The following ZFAND4 variants were observed in gnomAD, a reference collection of about 807,000 sequenced individuals.
ZFAND4 encodes zinc finger AN1-type containing 4.
Under a neutral mutation model 64.4 loss-of-function variants are expected in ZFAND4, and 43 were observed. The ratio of observed to expected loss-of-function variants is 0.67; its 90% CI spans 0.52 to 0.86. The LOEUF (loss-of-function observed/expected upper bound fraction) is 0.86, where lower values mean the gene tolerates loss of function less well. Ranked by LOEUF, ZFAND4 falls within the 40% of genes least tolerant of loss-of-function variation. The pLI, the probability that ZFAND4 is intolerant of heterozygous loss-of-function variation, is 0.00. For synonymous variants in ZFAND4, 296 were observed against 305.7 expected, an observed-to-expected ratio of 0.97 and a Z score of 0.33; for missense variants, 929 against 859.8, an observed-to-expected ratio of 1.08 and a Z score of -1.01.
chr10:45,648,326 A>G lies in ZFAND4; in HGVS notation c.537T>C (p.His179=), dbSNP rs923490131. 2 of 1,613,396 alleles carry G rather than the reference A, an allele frequency of 1.2e-6. No homozygotes were observed. Among genetic ancestry groups the G allele is most frequent in the South Asian group, 1.1e-5 (1 of 90,982 alleles). ...GATGTTCTCCTTTTCTCCGTAGGAC[A>G]TGCAAATGAAAATCTATTTTCTTTG... ...DSSKKIDFHL[H]VLRRKGEHRM... Residue 179 remains histidine, a synonymous_variant, in exon 5 of 10, where the codon CAT becomes CAC. Coordinates refer to ENST00000344646, the MANE Select transcript of ZFAND4 (RefSeq NM_174890.4).
chr10:45,622,863 T>C (rs973356790), intron 8 of ZFAND4, among the ~76,000 whole-genome samples: 3 of 152,146 alleles, frequency 2.0e-5, no homozygotes, highest in African/African-American at 7.2e-5. Flanking sequence ...AATACCATGA[T>C]TGTTTATGGA....
At chr10:45,627,167 T>G (rs1272611302) in intron 6 of ZFAND4, 62 bp from the exon 7 acceptor site, 2 of 1,377,198 alleles carry the variant, frequency 1.5e-6, no homozygotes, top group African/African-American at 2.9e-5. Context: ...TAACAAAAAT[T>G]AGCGAAGGAA....
intron 3 of ZFAND4, 81 bp from the exon 4 acceptor site, chr10:45,652,114 A>G: frequency 1.4e-6 from 2 of 1,407,572 alleles, no homozygotes; most frequent in Non-Finnish European, 2.0e-6. Flanking sequence ...GTGCTGGCTT[A>G]TCAGGCAGAG....
In ZFAND4 at chr10:45,616,245, T is replaced by C. The variant is rs967145438; in HGVS notation, c.*191A>G. The C allele has an allele frequency of 2.6e-5, 19 of 734,874 alleles. No homozygotes were observed. The highest frequency in any genetic ancestry group is 3.7e-5 in the Non-Finnish European group (18 of 486,960). 45.5% of individuals were successfully genotyped at this position (734,874 alleles called of 1,614,324 possible). ...CAGTGTAAAGTTGTTAAAACTACTT[T>C]TAAAACTTTTGTTTCACCAAGAAAT... On this transcript the variant is annotated 3_prime_UTR_variant, in exon 10 of 10. Transcript: ENST00000344646.
intron 5 of ZFAND4, among the ~76,000 whole-genome samples, chr10:45,646,803 G>T (rs936951246): frequency 1.3e-5 from 2 of 152,150 alleles, no homozygotes; most frequent in East Asian, 3.9e-4. Context: ...GGCAAAACTG[G>T]TATGAAGACA....
chr10:45,648,992 G>A (rs2047578721), intron 4 of ZFAND4: 1 of 984,894 alleles, frequency 1.0e-6, no homozygotes, highest in African/African-American at 1.7e-5. Flanking sequence ...GACACGGCCG[G>A]GTGCGGTGGC....
chr10:45,626,951 A>G lies in ZFAND4; in HGVS notation c.872T>C (p.Ile291Thr). Residue 291 changes from isoleucine to threonine, a missense_variant, in exon 7 of 10, where the codon ATC becomes ACC. By Grantham distance (89) the Ile-to-Thr change is moderately conservative. Transcript: ENST00000344646. ...CAAACTTGAAATTCCATTCCTGGAG[A>G]TTTCGGGCGGATATGCATTCCCAAA... ...PAFGNAYPPE[I>T]SRNGISSLAT... 4 of 1,614,144 alleles carry G rather than the reference A, an allele frequency of 2.5e-6. No individual in the cohort carries two copies. The highest frequency in any genetic ancestry group is 3.4e-6 in the Non-Finnish European group (4 of 1,180,040).
intron 2 of ZFAND4, among the ~76,000 whole-genome samples, chr10:45,654,175 G>A (rs1217040890): frequency 6.6e-6 from 1 of 152,152 alleles, no homozygotes; most frequent in Non-Finnish European, 1.5e-5. Context: ...CATGGGGAGG[G>A]AAGGGGATGT....
rs72798233 is a variant in ZFAND4 at position 45,658,115 on chromosome 10, C to T, written c.185-5056G>A. ...TAGGTGGAAGTCTAAGCCTCTTATA[C>T]CTCAGAATGTGACCTTAACTTGAAG... On this transcript the variant is annotated intron_variant, in intron 2 of 9. Transcript: ENST00000344646. Among the ~76,000 whole-genome samples the T allele has an allele frequency of 9.9e-3, 1,506 of 152,214 alleles. 10 individuals are homozygous for T. The highest frequency in any genetic ancestry group is 0.017 in the Middle Eastern group (5 of 294).
rs181428007 is a variant in ZFAND4 at position 45,632,521 on chromosome 10, A to C, written c.718-5416T>G. Among the ~76,000 whole-genome samples the C allele has an allele frequency of 8.0e-4, 122 of 152,318 alleles. 1 individual carries two copies. The highest frequency in any genetic ancestry group is 2.8e-3 in the African/African-American group (117 of 41,588). ...AGAAGAGAAAAAAATAAGTTCACTGATTTTCACTTAGTAATTAGGAGTCAA... is the reference window on the plus strand; with the variant it reads ...AGAAGAGAAAAAAATAAGTTCACTGCTTTTCACTTAGTAATTAGGAGTCAA... On this transcript the variant is annotated intron_variant, in intron 6 of 9. Coordinates refer to ENST00000344646, the MANE Select transcript of ZFAND4 (RefSeq NM_174890.4).
chr10:45,664,972 T>TATAATA, intron 1 of ZFAND4, among the ~76,000 whole-genome samples: 1 of 152,186 alleles, frequency 6.6e-6, no homozygotes, highest in South Asian at 2.1e-4. Context: ...CATCAACGGT[T>TATAATA]TCCAGAGGAT....
At chr10:45,644,974 CTT>C (rs71515371) in intron 5 of ZFAND4, among the ~76,000 whole-genome samples, 24 of 130,874 alleles carry the variant, frequency 1.8e-4, no homozygotes, top group Admixed American at 1.6e-4. Context: ...CATGTAAGGT[CTT>C]TTTTTTTTTT....
intron 7 of ZFAND4, among the ~76,000 whole-genome samples, chr10:45,624,966 CAGG>C (rs2045692768): frequency 1.3e-5 from 2 of 151,980 alleles, no homozygotes; most frequent in Admixed American, 1.3e-4. Flanking sequence ...CACTGTGTTC[CAGG>C]AGTTTGAGAG....
At chr10:45,648,040 G>T (rs1277260334) in intron 5 of ZFAND4, among the ~76,000 whole-genome samples, 1 of 152,072 alleles carries the variant, frequency 6.6e-6, no homozygotes, top group Admixed American at 6.5e-5. Flanking sequence ...TTATGCTAAG[G>T]TTGTATAATA....
intron 2 of ZFAND4, among the ~76,000 whole-genome samples, chr10:45,661,941 G>GAAA (rs766075300): frequency 9.9e-6 from 1 of 101,054 alleles, no homozygotes. Context: ...CCGTCTCGAA[G>GAAA]AAAAAAAAAA....
At position 45,648,939 on chromosome 10, in the gene ZFAND4, A is replaced by G. The variant is rs567807615; in HGVS notation, c.329-405T>C. On this transcript the variant is annotated intron_variant, in intron 4 of 9. Transcript: ENST00000344646. ...TCAAATATTGGTTCCAACAATAATTAAAACCAAAATAAATTCCACTTACGT... is the reference window on the plus strand; with the variant it reads ...TCAAATATTGGTTCCAACAATAATTGAAACCAAAATAAATTCCACTTACGT... 7 of 985,160 alleles carry G rather than the reference A, an allele frequency of 7.1e-6. No homozygotes were observed. The East Asian group carries it at 7.9e-4, about 112-fold the overall frequency. The allele number at this position is 985,160 out of a possible 1,614,324, so 61.0% of individuals were successfully genotyped here. A position where few individuals can be genotyped will look rare whatever the true frequency, so the allele number is the denominator to read the frequency against.
At chr10:45,617,164 A>G (rs1479645607) in intron 9 of ZFAND4, among the ~76,000 whole-genome samples, 1 of 152,186 alleles carries the variant, frequency 6.6e-6, no homozygotes, top group Non-Finnish European at 1.5e-5. Flanking sequence ...AAATATGCCC[A>G]TCGTTTCTCT....
chr10:45,635,273 A>G (rs949619386), intron 6 of ZFAND4, among the ~76,000 whole-genome samples: 12 of 151,428 alleles, frequency 7.9e-5, no homozygotes, highest in Admixed American at 6.6e-4. Flanking sequence ...TTTAAATTAT[A>G]CTACAGAGCT....
intron 7 of ZFAND4, 41 bp from the exon 8 acceptor site, chr10:45,624,678 G>A (rs1248432094): frequency 6.6e-7 from 1 of 1,517,636 alleles, no homozygotes; most frequent in Admixed American, 1.7e-5. Flanking sequence ...GTGAGTCAAT[G>A]AAGAATAGAA....
Sources: allele counts gnomAD v4.1 joint callset (sites outside exome capture counted in the v4.1 genomes callset), GRCh38; gene constraint gnomAD v4.1.1; transcripts MANE v1.5; gene names NCBI Gene and HGNC (gene_info 2026-07-23, HGNC 2026-07-21).